ROBO2: variants seen among roughly 807,000 people sequenced by gnomAD.
The protein encoded by ROBO2 is roundabout guidance receptor 2, also known as roundabout homolog 2.
ROBO2 carries 53 observed loss-of-function variants against 160.8 expected under a neutral mutation model. The ratio of observed to expected loss-of-function variants is 0.33; its 90% confidence interval spans 0.26 to 0.41. ROBO2 has a LOEUF of 0.41. Ranked by LOEUF, ROBO2 falls within the 10% of genes least tolerant of loss-of-function variation. ROBO2 has a pLI of 1.00. For synonymous variants in ROBO2, 664 were observed against 611.7 expected, an observed-to-expected ratio of 1.09 and a Z score of -1.26; for missense variants, 1,577 against 1,722.4, an observed-to-expected ratio of 0.92 and a Z score of 1.49.
At chr3:77,121,465 G>T (rs552101354) in intron 2 of ROBO2, among the ~76,000 whole-genome samples, 1 of 152,112 alleles carries the variant, frequency 6.6e-6, no homozygotes, top group African/African-American at 2.4e-5. Context: ...CTACTGGAAT[G>T]GGGAAATACA....
At position 76,909,820 on chromosome 3, in the gene ROBO2, G is replaced by C. The variant is rs530284501; in HGVS notation, c.110-188194G>C. On this transcript the variant is annotated intron_variant, in intron 2 of 26. Transcript: ENST00000487694. ...TTCAAGAGACTAGCAGTCATGATTT[G>C]AGGGGAAAAGTCTATTTTTACATTT... Among the ~76,000 whole-genome samples the C allele has an allele frequency of 2.1e-4, 32 of 152,292 alleles. No homozygotes were observed. In the South Asian group the frequency reaches 6.6e-3, roughly 32 times the overall value.
chr3:76,182,436 T>C (rs1015393616), intron 2 of ROBO2, among the ~76,000 whole-genome samples: 4 of 151,988 alleles, frequency 2.6e-5, no homozygotes, highest in Non-Finnish European at 4.4e-5. Context: ...AGCTGGGGAG[T>C]GACGAGCTAA....
At chr3:77,317,366 T>A in intron 2 of ROBO2, 1 of 910,924 alleles carries the variant, frequency 1.1e-6, no homozygotes, top group Non-Finnish European at 1.8e-6. Context: ...TCTCGGTGCC[T>A]AGTGTATTGT....
chr3:76,339,007 T>C (rs1401444840), intron 2 of ROBO2, among the ~76,000 whole-genome samples: 1 of 152,132 alleles, frequency 6.6e-6, no homozygotes, highest in Non-Finnish European at 1.5e-5. Flanking sequence ...TGCAAATAAA[T>C]GTCTAAAAGC....
chr3:76,067,935 G>A (rs761350915), intron 2 of ROBO2, among the ~76,000 whole-genome samples: 8 of 152,306 alleles, frequency 5.3e-5, no homozygotes, highest in Admixed American at 1.3e-4. Context: ...AACAACGGGC[G>A]AAAATTTGTG....
exon 11 of ROBO2, chr3:77,563,284 C>T: frequency 6.2e-7 from 1 of 1,613,566 alleles, no homozygotes; most frequent in Non-Finnish European, 8.5e-7. Context: ...CAGCCAGGTA[C>T]CCCTGGAACC....
At chr3:76,987,353 G>C (rs2060437321) in intron 2 of ROBO2, among the ~76,000 whole-genome samples, 1 of 152,060 alleles carries the variant, frequency 6.6e-6, no homozygotes, top group Non-Finnish European at 1.5e-5. Context: ...CCGTGTAGTG[G>C]GGGGGAGGGA....
intron 2 of ROBO2, among the ~76,000 whole-genome samples, chr3:76,815,583 T>C (rs2065595698): frequency 6.6e-6 from 1 of 152,116 alleles, no homozygotes; most frequent in African/African-American, 2.4e-5. Flanking sequence ...TGTTCTTCTT[T>C]TTATCTTTTT....
intron 2 of ROBO2, among the ~76,000 whole-genome samples, chr3:77,134,176 C>CA (rs577125248): frequency 3.4e-3 from 478 of 141,760 alleles, no homozygotes; most frequent in African/African-American, 9.1e-3. Flanking sequence ...AACTTTGGCT[C>CA]AAAAAAAAAA....
intron 2 of ROBO2, among the ~76,000 whole-genome samples, chr3:76,076,043 G>T (rs1301131366): frequency 6.6e-6 from 1 of 152,156 alleles, no homozygotes; most frequent in Non-Finnish European, 1.5e-5. Context: ...GAGCAAAATG[G>T]TTATTGCATT....
chr3:76,064,861 C>G (rs941456164), intron 2 of ROBO2, among the ~76,000 whole-genome samples: 3 of 152,038 alleles, frequency 2.0e-5, no homozygotes, highest in Non-Finnish European at 2.9e-5. Flanking sequence ...TAATACCTAT[C>G]TTTTCAAATT....
At chr3:76,623,479 G>A (rs1449567764) in intron 2 of ROBO2, among the ~76,000 whole-genome samples, 2 of 152,076 alleles carry the variant, frequency 1.3e-5, no homozygotes, top group African/African-American at 4.8e-5. Context: ...TAATACAGAC[G>A]GAAGCATCCA....
intron 2 of ROBO2, among the ~76,000 whole-genome samples, chr3:75,971,022 T>C (rs1399387771): frequency 2.0e-5 from 3 of 151,338 alleles, no homozygotes; most frequent in Non-Finnish European, 4.4e-5. Context: ...AAACTTTTAA[T>C]GGAGAATATT....
chr3:77,151,610 GT>G (rs2077551387), intron 2 of ROBO2, among the ~76,000 whole-genome samples: 1 of 152,118 alleles, frequency 6.6e-6, no homozygotes, highest in Non-Finnish European at 1.5e-5. Context: ...TTGATTTGCT[GT>G]TCAGGCTTTG....
At chr3:77,218,199 A>T (rs1426565946) in intron 2 of ROBO2, among the ~76,000 whole-genome samples, 1 of 152,228 alleles carries the variant, frequency 6.6e-6, no homozygotes, top group East Asian at 1.9e-4. Flanking sequence ...ACTGGGTATT[A>T]AAAAGCAAAT....
chr3:76,080,459 T>A (rs1262086837), intron 2 of ROBO2, among the ~76,000 whole-genome samples: 1 of 152,210 alleles, frequency 6.6e-6, no homozygotes, highest in East Asian at 1.9e-4. Flanking sequence ...TATTTTAGCC[T>A]GATGGTCGGA....
intron 2 of ROBO2, among the ~76,000 whole-genome samples, chr3:77,413,630 C>T (rs925439572): frequency 1.3e-5 from 2 of 152,154 alleles, no homozygotes; most frequent in African/African-American, 2.4e-5. Context: ...GAGAGTTAAC[C>T]AGGTGGAATC....
intron 1 of ROBO2, among the ~76,000 whole-genome samples, chr3:77,068,062 A>G (rs1178120086): frequency 6.6e-6 from 1 of 152,026 alleles, no homozygotes; most frequent in Non-Finnish European, 1.5e-5. Context: ...TTTAGTTCTC[A>G]AAATGCTTAG....
chr3:77,128,030 G>A (rs1334530609), intron 2 of ROBO2, among the ~76,000 whole-genome samples: 2 of 146,846 alleles, frequency 1.4e-5, no homozygotes, highest in African/African-American at 5.5e-5. Context: ...ATAAGGGTGT[G>A]GTGATACTTA....
Sources: gnomAD v4.1 joint callset for allele counts (sites outside exome capture counted in the v4.1 genomes callset) on GRCh38, gnomAD v4.1.1 for gene constraint, MANE v1.5 for transcripts, NCBI Gene and HGNC (gene_info 2026-07-23, HGNC 2026-07-21) for gene names.